MAD1L1: variants seen among roughly 807,000 people sequenced by gnomAD.
MAD1L1 encodes the protein mitotic spindle assembly checkpoint protein MAD1.
A neutral mutation model predicts 96.9 loss-of-function variants in MAD1L1; 95 were observed. The observed-to-expected ratio is 0.98, with a 90% CI of 0.83 to 1.16. The LOEUF (loss-of-function observed/expected upper bound fraction) is 1.16, where lower values mean the gene tolerates loss of function less well. Ranked by LOEUF, MAD1L1 falls within the 50% of genes most tolerant of loss-of-function variation. The pLI is 0.00. For missense variants in MAD1L1, 1,007 were observed against 954.4 expected (o/e 1.06, Z -0.73); for synonymous variants, 473 against 396.6 (o/e 1.19, Z -2.29).
chr7:1,826,236 C>T (rs1007682421), intron 18 of MAD1L1, among the ~76,000 whole-genome samples: 3 of 152,014 alleles, frequency 2.0e-5, no homozygotes, highest in Non-Finnish European at 4.4e-5. Context: ...GAAGGTGATC[C>T]AGGAGCAGCA....
intron 18 of MAD1L1, among the ~76,000 whole-genome samples, chr7:1,842,679 G>C (rs1783339693): frequency 1.3e-5 from 2 of 152,242 alleles, no homozygotes; most frequent in African/African-American, 4.8e-5. Flanking sequence ...CATTTACTGA[G>C]TAGCTACTGC....
At chr7:2,079,382 C>T (rs777496743) in intron 11 of MAD1L1, among the ~76,000 whole-genome samples, 1 of 152,216 alleles carries the variant, frequency 6.6e-6, no homozygotes, top group Non-Finnish European at 1.5e-5. Flanking sequence ...ATCCAAACAG[C>T]GGAAACAAAA....
intron 15 of MAD1L1, among the ~76,000 whole-genome samples, chr7:1,959,175 C>A (rs181916053): frequency 1.5e-4 from 23 of 152,256 alleles, no homozygotes; most frequent in African/African-American, 5.5e-4. Flanking sequence ...TCGCTTGAAC[C>A]CAGGGGGTGG....
intron 15 of MAD1L1, among the ~76,000 whole-genome samples, chr7:1,977,495 T>C (rs933429805): frequency 6.6e-6 from 1 of 151,778 alleles, no homozygotes; most frequent in Admixed American, 6.6e-5. Flanking sequence ...TGCCTGCGCC[T>C]CTCCCTCCAC....
chr7:1,824,770 C>G (rs1313834443), intron 18 of MAD1L1, among the ~76,000 whole-genome samples: 2 of 152,218 alleles, frequency 1.3e-5, no homozygotes, highest in African/African-American at 2.4e-5. Flanking sequence ...TGTCTTGAGG[C>G]TGTCAGGAAA....
intron 12 of MAD1L1, among the ~76,000 whole-genome samples, chr7:2,043,823 C>A (rs1783800901): frequency 6.6e-6 from 1 of 152,250 alleles, no homozygotes; most frequent in African/African-American, 2.4e-5. Context: ...CACTGCCCAA[C>A]ATAGACATAA....
intron 15 of MAD1L1, among the ~76,000 whole-genome samples, chr7:1,979,114 A>G (rs1398851441): frequency 3.9e-5 from 6 of 152,188 alleles, no homozygotes; most frequent in Non-Finnish European, 8.8e-5. Flanking sequence ...GGCCATCCAC[A>G]GGTGAAAACT....
intron 18 of MAD1L1, among the ~76,000 whole-genome samples, chr7:1,856,860 G>A (rs368216164): frequency 2.6e-5 from 4 of 152,176 alleles, no homozygotes; most frequent in Admixed American, 1.3e-4. Context: ...TGTCACCCTG[G>A]GGGAGGGAGA....
chr7:2,102,580 TC>T (rs1786865118), intron 11 of MAD1L1, among the ~76,000 whole-genome samples: 1 of 150,632 alleles, frequency 6.6e-6, no homozygotes, highest in Admixed American at 6.6e-5. Flanking sequence ...TCTCACCACA[TC>T]CCCATCACCA....
Position 2,146,034 on chromosome 7 carries a change from A to G in MAD1L1, c.1073+3118T>C, listed in dbSNP as rs1333061614. ...AAGGAAAGTTACACAACACCCAGGA[A>G]GTGCATCAAGACTGCGTGGTGTAGG... On this transcript the variant is annotated intron_variant, in intron 11 of 18. Coordinates refer to ENST00000265854, the MANE Select transcript of MAD1L1 (RefSeq NM_001013836.2). The surrounding 1 kb of genome is among the most constrained non-coding windows in gnomAD (Gnocchi z 6.2). Among the ~76,000 whole-genome samples the G allele has an allele frequency of 6.6e-6, 1 of 152,218 alleles. No individual in the cohort carries two copies. The highest frequency in any genetic ancestry group is 2.4e-5 in the African/African-American group (1 of 41,460).
chr7:1,910,421 C>T (rs1463738825), intron 17 of MAD1L1, among the ~76,000 whole-genome samples: 2 of 152,232 alleles, frequency 1.3e-5, no homozygotes, highest in African/African-American at 2.4e-5. Flanking sequence ...CAGCAGCCGT[C>T]CGACGCGTCA....
At chr7:1,884,728 G>A (rs1358893034) in intron 18 of MAD1L1, among the ~76,000 whole-genome samples, 1 of 152,194 alleles carries the variant, frequency 6.6e-6, no homozygotes, top group Non-Finnish European at 1.5e-5. Context: ...ACTGTGTGGA[G>A]CGGACCACGC....
chr7:2,101,030 A>G (rs557919881), intron 11 of MAD1L1, among the ~76,000 whole-genome samples: 2 of 152,228 alleles, frequency 1.3e-5, no homozygotes, highest in East Asian at 1.9e-4. Flanking sequence ...CACCTAATTA[A>G]CCACTTTCCC....
At chr7:2,062,274 A>G (rs76677786) in intron 12 of MAD1L1, among the ~76,000 whole-genome samples, 6,597 of 149,250 alleles carry the variant, frequency 0.044, 257 homozygotes, top group African/African-American at 0.092. Flanking sequence ...AAAAAAAAAA[A>G]AACAGGGAAT....
intron 16 of MAD1L1, among the ~76,000 whole-genome samples, chr7:1,951,587 T>G (rs558985998): frequency 1.6e-4 from 25 of 152,222 alleles, no homozygotes; most frequent in African/African-American, 5.1e-4. Flanking sequence ...ACACTCACTC[T>G]CCATTCCCCT....
intron 10 of MAD1L1, among the ~76,000 whole-genome samples, chr7:2,174,706 A>T (rs1383451912): frequency 6.6e-6 from 1 of 152,078 alleles, no homozygotes; most frequent in African/African-American, 2.4e-5. Context: ...TTGTTCACTG[A>T]ATGTGCTTCT....
At chr7:2,211,990 G>A (rs2114985241) in intron 10 of MAD1L1, among the ~76,000 whole-genome samples, 1 of 152,350 alleles carries the variant, frequency 6.6e-6, no homozygotes, top group East Asian at 1.9e-4. Flanking sequence ...TGAGCCCCGG[G>A]CTCTGATGGC....
At chr7:2,052,811 C>G (rs193103774) in intron 12 of MAD1L1, among the ~76,000 whole-genome samples, 3 of 152,248 alleles carry the variant, frequency 2.0e-5, no homozygotes, top group Non-Finnish European at 4.4e-5. Context: ...CCGGAACAGA[C>G]AGAGGAACCG....
chr7:2,199,290 T>C (rs1472683107), intron 10 of MAD1L1, among the ~76,000 whole-genome samples: 1 of 152,250 alleles, frequency 6.6e-6, no homozygotes, highest in Admixed American at 6.5e-5. Flanking sequence ...GACTAAGGAA[T>C]GGAATACCTA....
Sources: allele counts gnomAD v4.1 joint callset (sites outside exome capture counted in the v4.1 genomes callset), GRCh38; gene constraint gnomAD v4.1.1; non-coding constraint Gnocchi (gnomAD v3.1); transcripts MANE v1.5; gene names NCBI Gene and HGNC (gene_info 2026-07-23, HGNC 2026-07-21).